The following RTCA variants were observed in gnomAD, a reference collection of about 807,000 sequenced individuals.
The protein encoded by RTCA is RNA 3'-terminal phosphate cyclase.
In RTCA, 37 loss-of-function variants were observed where a neutral mutation model predicts 46.1. That is an observed-to-expected ratio of 0.80 (90% CI 0.62 to 1.06). RTCA has a LOEUF of 1.06. Ranked by LOEUF, RTCA falls within the 50% of genes least tolerant of loss-of-function variation. The pLI, the probability that RTCA is intolerant of heterozygous loss-of-function variation, is 0.00. For missense variants in RTCA, 435 were observed against 455.5 expected (o/e 0.95, Z 0.41); for synonymous variants, 164 against 158.3 (o/e 1.04, Z -0.27).
In RTCA at chr1:100,292,570, G is replaced by C. The variant is rs1031908851; in HGVS notation, c.*1066G>C. On this transcript the variant is annotated 3_prime_UTR_variant, in exon 11 of 11. Coordinates refer to ENST00000370128, the MANE Select transcript of RTCA (RefSeq NM_003729.4). ...CCCACCTTGGCCTCCCAAAGTGCTG[G>C]GATTACAGGCATGAGCCACCACAGC... 1.3e-5 allele frequency: 2 copies of C among 152,164 alleles called. No individual in the cohort carries two copies. Among genetic ancestry groups the C allele is most frequent in the Non-Finnish European group, 2.9e-5 (2 of 68,046 alleles). The allele number at this position is 152,164 out of a possible 1,614,324, so 9.4% of individuals were successfully genotyped here.
At position 100,287,157 on chromosome 1, in the gene RTCA, C is replaced by T; in HGVS notation, c.953C>T (p.Thr318Ile). 6.3e-7 allele frequency: 1 copy of T among 1,594,674 alleles called. No individual in the cohort carries two copies. The highest frequency in any genetic ancestry group is 1.1e-5 in the South Asian group (1 of 87,450). ...TCCAGAATAAAAACAGGACCAGTTA[C>T]ACTCCATACGCAAACCGCGATACAT... ...GVSRIKTGPVTLHTQTAIHFA... is the reference protein window; with the variant it reads ...GVSRIKTGPVILHTQTAIHFA... Residue 318 changes from threonine (T) to isoleucine (I), a missense_variant, in exon 10 of 11, where the codon ACA becomes ATA. By Grantham distance (89) the Thr-to-Ile change is moderately conservative (BLOSUM62 -1). Coordinates refer to ENST00000370128, the MANE Select transcript of RTCA (RefSeq NM_003729.4).
chr1:100,268,004 C>G lies in RTCA; in HGVS notation c.147-148C>G, dbSNP rs895781968. On this transcript the variant is annotated intron_variant, in intron 2 of 10. Transcript: ENST00000370128. Reference sequence around the variant, plus strand: ...CAGGTAGTCTAGGTGCATAAAAACCCAAAAGGAAGCTGACACTGAAGATGT... The same window carrying G: ...CAGGTAGTCTAGGTGCATAAAAACCGAAAAGGAAGCTGACACTGAAGATGT... The G allele has an allele frequency of 1.4e-5, 16 of 1,181,356 alleles. No individual in the cohort carries two copies. In the African/African-American group the frequency reaches 1.4e-4, roughly 10 times the overall value. The allele number at this position is 1,181,356 out of a possible 1,614,324, so 73.2% of individuals were successfully genotyped here. A position where few individuals can be genotyped will look rare whatever the true frequency, so the allele number is the denominator to read the frequency against.
At chr1:100,289,318 G>GT (rs1667226192) in intron 10 of RTCA, among the ~76,000 whole-genome samples, 1 of 149,658 alleles carries the variant, frequency 6.7e-6, no homozygotes, top group South Asian at 2.1e-4. Flanking sequence ...TTTTGTTTTT[G>GT]TTTTTTGAGA....
chr1:100,272,220 A>T (rs921457926), intron 4 of RTCA, among the ~76,000 whole-genome samples: 6 of 152,204 alleles, frequency 3.9e-5, no homozygotes, highest in African/African-American at 1.4e-4. Context: ...GTCTAACTTT[A>T]TAATACATAG....
chr1:100,271,758 C>T (rs1474092799), intron 4 of RTCA, among the ~76,000 whole-genome samples: 4 of 152,100 alleles, frequency 2.6e-5, no homozygotes, highest in Non-Finnish European at 5.9e-5. Context: ...TTGACAGTGA[C>T]ATGATTCACA....
intron 2 of RTCA, chr1:100,266,861 A>G (rs1486405377): frequency 3.8e-6 from 2 of 530,002 alleles, no homozygotes; most frequent in African/African-American, 1.9e-5. Context: ...AAATAGTGTC[A>G]TTTGCTGAAG....
Position 100,291,384 on chromosome 1 carries a change from ACTC to A in RTCA, c.1000-15_1000-13del, listed in dbSNP as rs1557983434. ...CCATCTCTCTTCGTATTACTTATAT[ACTC>A]CTCTTCTGATTTCAGGCTAAATTTA... On this transcript the variant is annotated splice_polypyrimidine_tract_variant and intron_variant, in intron 10 of 10. Transcript: ENST00000370128. 4 of 1,529,002 alleles carry A rather than the reference ACTC, an allele frequency of 2.6e-6. No individual in the cohort carries two copies. The East Asian group carries it at 6.8e-5, about 26-fold the overall frequency. The allele number at this position is 1,529,002 out of a possible 1,614,324, so 94.7% of individuals were successfully genotyped here.
At chr1:100,290,015 A>G (rs1667264631) in intron 10 of RTCA, among the ~76,000 whole-genome samples, 2 of 152,220 alleles carry the variant, frequency 1.3e-5, no homozygotes, top group Non-Finnish European at 2.9e-5. Flanking sequence ...AAACGCATGC[A>G]TATATTACTA....
intron 8 of RTCA, among the ~76,000 whole-genome samples, chr1:100,283,960 GA>G (rs1557979508): frequency 8.6e-5 from 7 of 81,604 alleles, no homozygotes; most frequent in Admixed American, 8.3e-4. Flanking sequence ...GAAAAAACAA[GA>G]AAAAACAAGA....
chr1:100,268,709 G>A (rs1366187511), intron 3 of RTCA, among the ~76,000 whole-genome samples: 1 of 152,014 alleles, frequency 6.6e-6, no homozygotes, highest in Non-Finnish European at 1.5e-5. Flanking sequence ...AATATTCATT[G>A]AATTAATGAA....
chr1:100,280,319 A>G (rs1170020672), intron 8 of RTCA, among the ~76,000 whole-genome samples: 1 of 152,246 alleles, frequency 6.6e-6, no homozygotes, highest in East Asian at 1.9e-4. Flanking sequence ...CTTTATCAGT[A>G]ATACATGGAA....
intron 10 of RTCA, among the ~76,000 whole-genome samples, chr1:100,290,834 A>G (rs1006948527): frequency 2.4e-4 from 36 of 152,214 alleles, no homozygotes; most frequent in African/African-American, 8.7e-4. Flanking sequence ...AACTTTAGTT[A>G]CTAAGTGAAA....
Position 100,288,514 on chromosome 1 carries a change from C to T in RTCA, c.999+1311C>T, listed in dbSNP as rs143823793. On this transcript the variant is annotated intron_variant, in intron 10 of 10. Transcript: ENST00000370128. The stretch of plus-strand genomic sequence containing the variant: ...TCAAATGATCCTCCCACCGCAGCCT[C>T]CCAAGTAGCTGGGGCTACGGGAGTG... Among the ~76,000 whole-genome samples, 1,274 of 152,050 alleles carry T rather than the reference C, an allele frequency of 8.4e-3. 18 individuals carry two copies. Among genetic ancestry groups the T allele is most frequent in the South Asian group, 0.032 (154 of 4,812 alleles).
At chr1:100,266,498 T>C in intron 1 of RTCA, 26 bp from the exon 2 acceptor site, 1 of 1,610,380 alleles carries the variant, frequency 6.2e-7, no homozygotes, top group Non-Finnish European at 8.5e-7. Context: ...CTTACTTCTC[T>C]TCTCCCTGTA....
At chr1:100,273,521 T>G in intron 5 of RTCA, 69 bp downstream of exon 5, 1 of 930,418 alleles carries the variant, frequency 1.1e-6, no homozygotes, top group Non-Finnish European at 1.6e-6. Flanking sequence ...AGTTAGACCC[T>G]TAGAGAACTG....
intron 10 of RTCA, among the ~76,000 whole-genome samples, chr1:100,287,485 T>G (rs777554509): frequency 1.3e-5 from 2 of 152,182 alleles, no homozygotes; most frequent in Non-Finnish European, 2.9e-5. Flanking sequence ...AGAGCTGAGC[T>G]TTGAGCAAAC....
At chr1:100,275,866 C>T (rs888408565) in intron 7 of RTCA, 143 bp downstream of exon 7, 31 of 712,962 alleles carry the variant, frequency 4.3e-5, no homozygotes, top group African/African-American at 1.3e-4. Context: ...GGTGGAGTCT[C>T]GCTCTGTTGT....
chr1:100,285,811 T>A (rs1666991569), intron 9 of RTCA, among the ~76,000 whole-genome samples: 1 of 152,194 alleles, frequency 6.6e-6, no homozygotes, highest in Non-Finnish European at 1.5e-5. Context: ...TTGTTTTAAT[T>A]TTTATAGAGA....
At position 100,291,502 on chromosome 1, in the gene RTCA, T is replaced by C; in HGVS notation, c.1099T>C (p.Ter367GlnextTer17). 2 of 1,577,076 alleles carry C rather than the reference T, an allele frequency of 1.3e-6. No homozygotes were observed. Among genetic ancestry groups the C allele is most frequent in the Non-Finnish European group, 1.7e-6 (2 of 1,148,326 alleles). Residue 367 changes from the stop codon to glutamine, a stop_lost, in exon 11 of 11, where the codon TAG (stop) becomes CAG (glutamine). Transcript: ENST00000370128. ...AATTGGGATGACAAATCCAAATCTA[T>C]AGAGTATTTGCCTCTTAAATGATAC... ...QGIGMTNPNL[*>Q]
Sources: allele counts gnomAD v4.1 joint callset (sites outside exome capture counted in the v4.1 genomes callset), GRCh38; gene constraint gnomAD v4.1.1; transcripts MANE v1.5; gene names NCBI Gene and HGNC (gene_info 2026-07-23, HGNC 2026-07-21).